Variants in GPR107 observed in about 807,000 individuals in gnomAD.
The protein encoded by GPR107 is protein GPR107.
Under a neutral mutation model 75.5 loss-of-function variants are expected in GPR107, and 31 were observed. That is an observed-to-expected ratio of 0.41 (90% CI 0.31 to 0.55). The LOEUF is 0.55. Ranked by LOEUF, GPR107 falls within the 20% of genes least tolerant of loss-of-function variation. The pLI is 0.26. For synonymous variants in GPR107, 267 were observed against 251.3 expected, an observed-to-expected ratio of 1.06 and a Z score of -0.59; for missense variants, 572 against 665.7, an observed-to-expected ratio of 0.86 and a Z score of 1.55.
At chr9:130,075,556 C>A in intron 1 of GPR107, 80 bp from the exon 2 acceptor site, 1 of 790,486 alleles carries the variant, frequency 1.3e-6, no homozygotes. Context: ...TGATATCATA[C>A]TTTTTAAAGC....
intron 1 of GPR107, among the ~76,000 whole-genome samples, chr9:130,072,040 C>T (rs1284329790): frequency 2.0e-5 from 3 of 151,576 alleles, no homozygotes; most frequent in South Asian, 2.1e-4. Flanking sequence ...TGGTACAACC[C>T]GGCTCCCTGC....
intron 1 of GPR107, among the ~76,000 whole-genome samples, chr9:130,059,875 A>G (rs1376821329): frequency 6.6e-6 from 1 of 151,256 alleles, no homozygotes; most frequent in Non-Finnish European, 1.5e-5. Flanking sequence ...AGTAGTTGGG[A>G]TTACAGGCAC....
intron 9 of GPR107, among the ~76,000 whole-genome samples, chr9:130,093,601 C>T (rs191265585): frequency 3.4e-4 from 51 of 152,126 alleles, no homozygotes; most frequent in African/African-American, 1.2e-3. Context: ...TCCTGTACAC[C>T]CACCAGATAG....
intron 14 of GPR107, among the ~76,000 whole-genome samples, chr9:130,110,123 C>G (rs1174573694): frequency 6.6e-6 from 1 of 152,122 alleles, no homozygotes; most frequent in Non-Finnish European, 1.5e-5. Context: ...GTTCGGTCCT[C>G]CATCTTGCTT....
chr9:130,081,349 C>T (rs1418988646), intron 5 of GPR107, among the ~76,000 whole-genome samples: 1 of 151,934 alleles, frequency 6.6e-6, no homozygotes, highest in Non-Finnish European at 1.5e-5. Flanking sequence ...ACCAGCCTGG[C>T]CAACATGGTG....
chr9:130,124,278 T>TA (rs1164913443), intron 14 of GPR107, among the ~76,000 whole-genome samples: 1 of 152,222 alleles, frequency 6.6e-6, no homozygotes, highest in Non-Finnish European at 1.5e-5. Flanking sequence ...GGCTTCCCTC[T>TA]ACTCATCAAT....
chr9:130,108,861 A>G (rs948231510), intron 14 of GPR107: 3 of 430,650 alleles, frequency 7.0e-6, no homozygotes, highest in African/African-American at 6.2e-5. Flanking sequence ...GGCTTTAAGC[A>G]GGAGTCACAG....
intron 9 of GPR107, 60 bp downstream of exon 9, chr9:130,092,441 G>T: frequency 7.0e-7 from 1 of 1,427,660 alleles, no homozygotes; most frequent in South Asian, 1.1e-5. Context: ...GTCACTGTTT[G>T]TTGGCTCCTG....
chr9:130,078,057 C>T (rs189724575), intron 4 of GPR107, among the ~76,000 whole-genome samples: 15 of 151,690 alleles, frequency 9.9e-5, no homozygotes, highest in Admixed American at 2.0e-4. Flanking sequence ...CCCAGCTATT[C>T]GGGAGGCTGA....
intron 1 of GPR107, among the ~76,000 whole-genome samples, chr9:130,069,998 TTTTTTTTTTTTTTA>T (rs1374546194): frequency 1.7e-4 from 7 of 41,184 alleles, no homozygotes; most frequent in Admixed American, 1.0e-3. Context: ...TTTTTTTTTT[TTTTTTTTTTTTTTA>T]AATTTTTTTG....
At chr9:130,070,837 A>C (rs551589390) in intron 1 of GPR107, among the ~76,000 whole-genome samples, 1 of 151,066 alleles carries the variant, frequency 6.6e-6, no homozygotes, top group African/African-American at 2.4e-5. Flanking sequence ...CCATCTCAGC[A>C]TCCCCAGTAG....
In GPR107 at chr9:130,127,588, A is replaced by G. The variant is rs764394257; in HGVS notation, c.1440+22A>G. 6 of 1,302,608 alleles carry G rather than the reference A, an allele frequency of 4.6e-6. No individual in the cohort carries two copies. In the East Asian group the frequency reaches 1.4e-4, roughly 30 times the overall value. The allele number at this position is 1,302,608 out of a possible 1,614,324, so 80.7% of individuals were successfully genotyped here. A position where few individuals can be genotyped will look rare whatever the true frequency, so the allele number is the denominator to read the frequency against. On this transcript the variant is annotated intron_variant, in intron 16 of 17. Coordinates refer to ENST00000347136, the MANE Select transcript of GPR107 (RefSeq NM_020960.5). The stretch of plus-strand genomic sequence containing the variant: ...CCAGGTACGCTGCTCACAGGGCAGA[A>G]TGCCAGAGAATTTATGCCTGAGGAT...
intron 17 of GPR107, among the ~76,000 whole-genome samples, chr9:130,134,728 A>G (rs1245152812): frequency 6.6e-6 from 1 of 152,272 alleles, no homozygotes; most frequent in Non-Finnish European, 1.5e-5. Flanking sequence ...AGCTGTGACA[A>G]AAAGATTCAT....
At chr9:130,128,943 T>C in intron 17 of GPR107, 182 bp downstream of exon 17, 1 of 573,376 alleles carries the variant, frequency 1.7e-6, no homozygotes. Context: ...AAGTACAGTA[T>C]CTGCCAAACC....
At chr9:130,081,804 C>T (rs775537574) in intron 5 of GPR107, among the ~76,000 whole-genome samples, 6 of 151,958 alleles carry the variant, frequency 3.9e-5, no homozygotes, top group Non-Finnish European at 5.9e-5. Flanking sequence ...TGCAGTGAGC[C>T]GAGATTGCGC....
intron 9 of GPR107, among the ~76,000 whole-genome samples, chr9:130,098,119 G>A (rs1283341653): frequency 6.6e-6 from 1 of 152,144 alleles, no homozygotes; most frequent in Non-Finnish European, 1.5e-5. Context: ...TTGGGCTTAA[G>A]TAATCTTCCC....
chr9:130,068,066 C>CTTTTTTTT (rs10712492), intron 1 of GPR107, among the ~76,000 whole-genome samples: 1 of 140,912 alleles, frequency 7.1e-6, no homozygotes, highest in Non-Finnish European at 1.6e-5. Context: ...TTCTTGTTTT[C>CTTTTTTTT]TTTTTTTTTT....
At chr9:130,088,568 A>G (rs1830666407) in intron 7 of GPR107, among the ~76,000 whole-genome samples, 1 of 152,306 alleles carries the variant, frequency 6.6e-6, no homozygotes, top group South Asian at 2.1e-4. Flanking sequence ...TTGGGCCTAT[A>G]TTTATAGAGA....
chr9:130,083,585 A>G lies in GPR107; in HGVS notation c.547A>G (p.Ser183Gly), dbSNP rs1740395713. The G allele has an allele frequency of 1.3e-6, 2 of 1,528,934 alleles. No homozygotes were observed. Among genetic ancestry groups the G allele is most frequent in the Middle Eastern group, 1.7e-4 (1 of 5,794 alleles). 94.7% of individuals were successfully genotyped at this position (1,528,934 alleles called of 1,614,324 possible). The change falls in exon 6 of 18, where the codon AGT becomes GGT. Residue 183 changes from serine (S) to glycine (G), a missense_variant. Ser to Gly is a moderately conservative substitution (Grantham distance 56, BLOSUM62 0). Coordinates refer to ENST00000347136, the MANE Select transcript of GPR107 (RefSeq NM_020960.5). ...KTQDGGKSKR[S>G]TVDSKAMGEK... ...TCTAGATGGTGGAAAGTCTAAAAGA[A>G]GTACAGTGGATTCAAAGGTAAGAAC...
Sources: allele counts gnomAD v4.1 joint callset (sites outside exome capture counted in the v4.1 genomes callset), GRCh38; gene constraint gnomAD v4.1.1; transcripts MANE v1.5; gene names NCBI Gene and HGNC (gene_info 2026-07-23, HGNC 2026-07-21).